The following APLP2 variants were observed in gnomAD, a reference collection of about 807,000 sequenced individuals.
APLP2 encodes amyloid beta precursor like protein 2.
APLP2 carries 53 observed loss-of-function variants against 89.9 expected under a neutral mutation model. That is an observed-to-expected ratio of 0.59 (90% confidence interval 0.47 to 0.74). The LOEUF (loss-of-function observed/expected upper bound fraction) is 0.74. Ranked by LOEUF, APLP2 falls within the 30% of genes least tolerant of loss-of-function variation. The pLI is 0.00. For synonymous variants in APLP2, 372 were observed against 348.6 expected, an observed-to-expected ratio of 1.07 and a Z score of -0.75; for missense variants, 973 against 975.9, an observed-to-expected ratio of 1.00 and a Z score of 0.04.
intron 1 of APLP2, among the ~76,000 whole-genome samples, chr11:130,083,703 T>C (rs1036425766): frequency 2.0e-5 from 3 of 152,190 alleles, no homozygotes; most frequent in African/African-American, 4.8e-5. Flanking sequence ...TATGTATATA[T>C]CATATTTTCC....
chr11:130,119,422 A>T (rs1365892969), intron 3 of APLP2, among the ~76,000 whole-genome samples: 1 of 152,156 alleles, frequency 6.6e-6, no homozygotes, highest in Non-Finnish European at 1.5e-5. Context: ...TATTGTGGCA[A>T]ATTACAAACA....
At position 130,141,506 on chromosome 11, in the gene APLP2, C is replaced by T. The variant is rs543701438; in HGVS notation, c.1932C>T (p.Asp644=). The T allele has an allele frequency of 7.4e-6, 12 of 1,613,802 alleles. No homozygotes were observed. The highest frequency in any genetic ancestry group is 2.7e-5 in the African/African-American group (2 of 74,964). ...KNKVDENMVI[D]ETLDVKEMIF... is the part of the protein sequence containing the mutation. ...TCTCATGACTGTTTCAGGTCATTGA[C>T]GAGACTCTGGATGTTAAGGAAATGA... is the stretch of plus-strand genomic sequence containing the variant. The change falls in exon 15 of 17, where the codon GAC becomes GAT. Residue 644 remains aspartate, a synonymous_variant. Coordinates refer to ENST00000338167, the MANE Select transcript of APLP2 (RefSeq NM_001142276.2). The surrounding 1 kb of genome is among the most constrained non-coding windows in gnomAD (Gnocchi z 4.2).
chr11:130,125,425 C>T (rs1237248117), intron 7 of APLP2, among the ~76,000 whole-genome samples: 2 of 152,122 alleles, frequency 1.3e-5, no homozygotes, highest in African/African-American at 4.8e-5. Context: ...ACTGAACTTG[C>T]GAGTGTCTTG....
intron 3 of APLP2, among the ~76,000 whole-genome samples, chr11:130,115,267 C>G (rs75482931): frequency 6.6e-6 from 1 of 151,838 alleles, no homozygotes; most frequent in African/African-American, 2.4e-5. Context: ...ATGGAGTACA[C>G]GAGATATTTT....
chr11:130,075,435 T>A (rs557078181), intron 1 of APLP2, among the ~76,000 whole-genome samples: 1 of 152,236 alleles, frequency 6.6e-6, no homozygotes, highest in Non-Finnish European at 1.5e-5. Flanking sequence ...ATTAAACCTG[T>A]TACATGGTTC....
intron 1 of APLP2, 43 bp downstream of exon 1, chr11:130,070,125 C>T: frequency 2.4e-6 from 3 of 1,262,284 alleles, no homozygotes; most frequent in South Asian, 2.0e-5. Context: ...CCTTCGCCCG[C>T]CGGAGGAGCG....
chr11:130,105,455 TTAG>T (rs1365170338), intron 1 of APLP2, among the ~76,000 whole-genome samples: 1 of 152,214 alleles, frequency 6.6e-6, no homozygotes, highest in Non-Finnish European at 1.5e-5. Context: ...CCCTTTCTTG[TTAG>T]TAGGAAAACC....
At chr11:130,139,434 TTATAAAAGGCTCA>T (rs1952071170) in intron 13 of APLP2, 1 of 152,214 alleles carries the variant, frequency 6.6e-6, no homozygotes, top group Non-Finnish European at 1.5e-5. Context: ...GTTGATCCAG[TTATAAAAGGCTCA>T]TATCACAGAC....
At chr11:130,126,666 C>T (rs201467589) in intron 7 of APLP2, 34 bp from the exon 8 acceptor site, 1 of 1,611,534 alleles carries the variant, frequency 6.2e-7, no homozygotes, top group Non-Finnish European at 8.5e-7. Context: ...TGCATCTGAT[C>T]CCAAAGAGAA....
At chr11:130,126,625 T>C (rs1950395440) in intron 7 of APLP2, 75 bp from the exon 8 acceptor site, 2 of 1,568,750 alleles carry the variant, frequency 1.3e-6, no homozygotes, top group Non-Finnish European at 1.8e-6. Context: ...ATCCTGCAGG[T>C]CCTGAGCTGG....
intron 1 of APLP2, chr11:130,070,804 G>T: frequency 7.8e-7 from 1 of 1,286,888 alleles, no homozygotes; most frequent in South Asian, 2.1e-5. Flanking sequence ...CCGCGAAGGC[G>T]TGTAAACTGT....
At chr11:130,137,896 G>T (rs571637025) in intron 13 of APLP2, among the ~76,000 whole-genome samples, 15 of 152,328 alleles carry the variant, frequency 9.8e-5, no homozygotes, top group African/African-American at 3.4e-4. Context: ...GCACTATGTG[G>T]AATGCTTTGC....
At chr11:130,119,599 A>AAAAATGT (rs1477425440) in intron 3 of APLP2, among the ~76,000 whole-genome samples, 1 of 152,222 alleles carries the variant, frequency 6.6e-6, no homozygotes, top group Non-Finnish European at 1.5e-5. Flanking sequence ...GTAAATAAAC[A>AAAAATGT]GCTATGTGTA....
chr11:130,126,608 T>C, intron 7 of APLP2, 92 bp from the exon 8 acceptor site: 1 of 1,474,362 alleles, frequency 6.8e-7, no homozygotes, highest in Non-Finnish European at 9.4e-7. Context: ...CAAAACAAAT[T>C]GAGTCCATCC....
At chr11:130,086,479 C>A (rs912535870) in intron 1 of APLP2, among the ~76,000 whole-genome samples, 2 of 152,224 alleles carry the variant, frequency 1.3e-5, no homozygotes, top group East Asian at 1.9e-4. Flanking sequence ...TGTGTTTTCA[C>A]TCTCAATAGT....
intron 16 of APLP2, among the ~76,000 whole-genome samples, chr11:130,142,734 C>T (rs1591860934): frequency 6.6e-6 from 1 of 152,290 alleles, no homozygotes; most frequent in East Asian, 1.9e-4. Context: ...GTGCCTCAGC[C>T]TCCCACCTAG....
At chr11:130,070,452 CG>C in intron 1 of APLP2, 2 of 929,810 alleles carry the variant, frequency 2.2e-6, no homozygotes, top group Non-Finnish European at 2.8e-6. Flanking sequence ...CCTCTCCCGC[CG>C]GAGTCCGCGG....
chr11:130,070,675 GC>G (rs1163700598), intron 1 of APLP2: 5 of 1,478,450 alleles, frequency 3.4e-6, no homozygotes, highest in Non-Finnish European at 4.5e-6. Context: ...GCCGCCTGGG[GC>G]CGGGTCGCGG....
intron 1 of APLP2, among the ~76,000 whole-genome samples, chr11:130,097,830 C>T (rs1946411790): frequency 6.6e-6 from 1 of 152,172 alleles, no homozygotes; most frequent in African/African-American, 2.4e-5. Context: ...TAAAAAGCAG[C>T]TACCTGTTGA....
Sources: gnomAD v4.1 joint callset for allele counts (sites outside exome capture counted in the v4.1 genomes callset) on GRCh38, gnomAD v4.1.1 for gene constraint, Gnocchi (gnomAD v3.1) non-coding constraint, MANE v1.5 for transcripts, NCBI Gene and HGNC (gene_info 2026-07-23, HGNC 2026-07-21) for gene names.